The following GRM5 variants were observed in gnomAD, a reference collection of about 807,000 sequenced individuals.
GRM5 encodes metabotropic glutamate receptor 5.
In GRM5, 19 loss-of-function variants were observed where a neutral mutation model predicts 83.1. The ratio of observed to expected loss-of-function variants is 0.23; its 90% CI spans 0.16 to 0.34. The LOEUF (loss-of-function observed/expected upper bound fraction) is 0.34, where lower values mean the gene tolerates loss of function less well. GRM5 is among the 10% of genes least tolerant of loss of function. The probability of loss-of-function intolerance (pLI) is 1.00; values close to 1 mark genes in which losing one functional copy is unlikely to be tolerated. For synonymous variants in GRM5, 675 were observed against 633.6 expected (o/e 1.07, Z -0.98); for missense variants, 1,160 against 1,588.3 (o/e 0.73, Z 4.58).
chr11:88,701,647 G>A (rs1941038445), intron 3 of GRM5, among the ~76,000 whole-genome samples: 1 of 152,176 alleles, frequency 6.6e-6, no homozygotes, highest in South Asian at 2.1e-4. Context: ...GGAAGTAGAA[G>A]TTACAGACAA....
chr11:89,044,808 T>C (rs1470414935), intron 2 of GRM5, among the ~76,000 whole-genome samples: 2 of 150,704 alleles, frequency 1.3e-5, no homozygotes, highest in African/African-American at 2.4e-5. Context: ...TATCATTTCA[T>C]GGAAGATCCC....
intron 8 of GRM5, among the ~76,000 whole-genome samples, chr11:88,553,854 T>G (rs1234010948): frequency 6.6e-6 from 1 of 152,086 alleles, no homozygotes; most frequent in Non-Finnish European, 1.5e-5. Context: ...TTGTAAGATG[T>G]CATAAAACCT....
chr11:88,876,273 C>T lies in GRM5; in HGVS notation c.662-26118G>A, dbSNP rs181560616. Among the ~76,000 whole-genome samples the T allele has an allele frequency of 6.9e-3, 1,049 of 152,220 alleles. 8 individuals are homozygous for T. The highest frequency in any genetic ancestry group is 0.012 in the Non-Finnish European group (806 of 68,004). On this transcript the variant is annotated intron_variant, in intron 2 of 9. Transcript: ENST00000305447. Reference sequence around the variant, plus strand: ...CTTTCCTTACACTCCATTAACCAAACTCTGCTAGCTGCAATCTTTCCTTCT... The same window carrying T: ...CTTTCCTTACACTCCATTAACCAAATTCTGCTAGCTGCAATCTTTCCTTCT...
chr11:88,936,797 T>C (rs1937913511), intron 2 of GRM5, among the ~76,000 whole-genome samples: 1 of 151,866 alleles, frequency 6.6e-6, no homozygotes, highest in African/African-American at 2.4e-5. Context: ...CCAATCACTT[T>C]ACCCTTTCAG....
intron 2 of GRM5, among the ~76,000 whole-genome samples, chr11:89,015,087 G>C (rs1940816952): frequency 6.6e-6 from 1 of 152,182 alleles, no homozygotes; most frequent in Non-Finnish European, 1.5e-5. Flanking sequence ...GGTGTCAAAA[G>C]GATGTGAGTT....
intron 2 of GRM5, among the ~76,000 whole-genome samples, chr11:89,045,833 T>A (rs1941630196): frequency 6.6e-6 from 1 of 152,194 alleles, no homozygotes; most frequent in Non-Finnish European, 1.5e-5. Context: ...CTTTCTCACC[T>A]AGTCATATTT....
chr11:88,618,605 C>CAA (rs34947093), intron 4 of GRM5, among the ~76,000 whole-genome samples: 12,697 of 129,484 alleles, frequency 0.098, 568 homozygotes, highest in East Asian at 0.2. Flanking sequence ...TCTGTGTCCT[C>CAA]AAAAAAAAAA....
chr11:88,766,733 G>A (rs1942630505), intron 3 of GRM5, among the ~76,000 whole-genome samples: 1 of 151,918 alleles, frequency 6.6e-6, no homozygotes. Context: ...CATCTACAGA[G>A]CAAAAGGAAC....
At chr11:88,688,330 C>CAATTAAGTGGGA (rs1940697354) in intron 3 of GRM5, among the ~76,000 whole-genome samples, 1 of 152,084 alleles carries the variant, frequency 6.6e-6, no homozygotes, top group Admixed American at 6.5e-5. Flanking sequence ...AATATTAAAT[C>CAATTAAGTGGGA]ATTTTATTCC....
intron 2 of GRM5, among the ~76,000 whole-genome samples, chr11:88,900,313 T>A (rs1164198720): frequency 2.0e-5 from 3 of 152,174 alleles, no homozygotes; most frequent in Admixed American, 2.0e-4. Flanking sequence ...AGCACTCCTA[T>A]CATGACCAGT....
rs529515077 is a variant in GRM5 at position 88,731,802 on chromosome 11, G to A, written c.912-78399C>T. 4.4e-4 allele frequency among the ~76,000 whole-genome samples: 67 copies of A among 151,940 alleles called. No individual in the cohort carries two copies. In the South Asian group the frequency reaches 9.3e-3, roughly 21 times the overall value. On this transcript the variant is annotated intron_variant, in intron 3 of 9. Coordinates refer to ENST00000305447, the MANE Select transcript of GRM5 (RefSeq NM_001143831.3). ...CCAAAACAATCACAGCATCCATTTT[G>A]TTCATCCTAGATAACCTAATAGTTT...
intron 3 of GRM5, among the ~76,000 whole-genome samples, chr11:88,752,148 A>G (rs970837367): frequency 1.6e-4 from 24 of 152,198 alleles, no homozygotes; most frequent in African/African-American, 5.8e-4. Context: ...AAATAGGAAG[A>G]GAAAAAGTCA....
chr11:88,635,474 G>A (rs1939092871), intron 4 of GRM5, among the ~76,000 whole-genome samples: 1 of 152,100 alleles, frequency 6.6e-6, no homozygotes, highest in Non-Finnish European at 1.5e-5. Flanking sequence ...ATCTTCTTTT[G>A]AGAAATGTGT....
At chr11:88,668,414 AT>A (rs148851546) in intron 3 of GRM5, among the ~76,000 whole-genome samples, 6,918 of 151,148 alleles carry the variant, frequency 0.046, 165 homozygotes, top group Middle Eastern at 0.069. Flanking sequence ...ATACTCAACA[AT>A]TTTTTTTCAA....
At chr11:88,977,059 G>C (rs1459496090) in intron 2 of GRM5, among the ~76,000 whole-genome samples, 1 of 151,448 alleles carries the variant, frequency 6.6e-6, no homozygotes, top group African/African-American at 2.4e-5. Context: ...AGTCTAGCAA[G>C]ATTTTATTCT....
intron 7 of GRM5, among the ~76,000 whole-genome samples, chr11:88,585,003 T>C (rs1565349036): frequency 6.6e-6 from 1 of 152,172 alleles, no homozygotes; most frequent in Non-Finnish European, 1.5e-5. Context: ...TATGTCCTTC[T>C]CCCACCCTTC....
chr11:88,606,690 G>T (rs185583896), intron 4 of GRM5, among the ~76,000 whole-genome samples: 1 of 152,292 alleles, frequency 6.6e-6, no homozygotes, highest in Non-Finnish European at 1.5e-5. Context: ...GAGTAGGACT[G>T]TCAGGGAAAC....
chr11:88,745,229 T>A (rs1293177050), intron 3 of GRM5, among the ~76,000 whole-genome samples: 164 of 151,366 alleles, frequency 1.1e-3, no homozygotes, highest in Non-Finnish European at 3.1e-4. Context: ...AGAATCTTGT[T>A]CTGTTCTATC....
intron 2 of GRM5, among the ~76,000 whole-genome samples, chr11:88,978,696 G>GA (rs996405230): frequency 1.3e-4 from 19 of 146,518 alleles, no homozygotes; most frequent in South Asian, 4.3e-4. Context: ...ATGTTGGAGA[G>GA]AAAAAAAAAA....
Sources: gnomAD v4.1 joint callset for allele counts (sites outside exome capture counted in the v4.1 genomes callset) on GRCh38, gnomAD v4.1.1 for gene constraint, MANE v1.5 for transcripts, NCBI Gene and HGNC (gene_info 2026-07-23, HGNC 2026-07-21) for gene names.